The following WNT3 variants were observed in gnomAD, a reference collection of about 807,000 sequenced individuals.
The protein encoded by WNT3 is proto-oncogene Wnt-3.
A neutral mutation model predicts 34.2 loss-of-function variants in WNT3; 7 were observed. That is an observed-to-expected ratio of 0.20 (90% CI 0.12 to 0.38). WNT3 has a LOEUF of 0.38. WNT3 is among the 10% of genes least tolerant of loss of function. The pLI is 1.00. For missense variants in WNT3, 267 were observed against 499.8 expected (o/e 0.53, Z 4.44); for synonymous variants, 212 against 211.5 (o/e 1.00, Z -0.02).
rs2059281006 is a variant in WNT3, at chr17:46,762,909, T to C, written c.*1721A>G. Reference sequence around the variant, plus strand: ...GAAAAGATTGTTTTGAAAATTCGTATCCATTCTGCTGAAGTATTCTCACAT... The same window carrying C: ...GAAAAGATTGTTTTGAAAATTCGTACCCATTCTGCTGAAGTATTCTCACAT... On this transcript the variant is annotated 3_prime_UTR_variant, in exon 5 of 5. Transcript: ENST00000225512. 1 of 152,230 alleles carries C rather than the reference T, an allele frequency of 6.6e-6. No homozygotes were observed. The highest frequency in any genetic ancestry group is 1.5e-5 in the Non-Finnish European group (1 of 68,048). 9.4% of individuals were successfully genotyped at this position (152,230 alleles called of 1,614,324 possible).
intron 1 of WNT3, among the ~76,000 whole-genome samples, chr17:46,801,767 C>T (rs762897316): frequency 4.9e-4 from 74 of 152,162 alleles, no homozygotes; most frequent in Admixed American, 1.2e-3. Context: ...TAAGTGACCA[C>T]AGCTGTGAGG....
Position 46,784,978 on chromosome 17 carries a change from T to C in WNT3, c.81-11069A>G, listed in dbSNP as rs555178641. ...TTTTTTAGTAGAGACGGGGTTTCACTGTGTTAGCCAGGATGGTCTCGATCT... is the reference window on the plus strand; with the variant it reads ...TTTTTTAGTAGAGACGGGGTTTCACCGTGTTAGCCAGGATGGTCTCGATCT... On this transcript the variant is annotated intron_variant, in intron 1 of 4. Transcript: ENST00000225512. Among the ~76,000 whole-genome samples the C allele has an allele frequency of 5.1e-3, 780 of 152,134 alleles. 5 individuals carry two copies. The highest frequency in any genetic ancestry group is 0.02 in the Middle Eastern group (6 of 294).
intron 3 of WNT3, 146 bp downstream of exon 3, chr17:46,769,637 T>G (rs201881227): frequency 4.9e-6 from 5 of 1,011,442 alleles, no homozygotes; most frequent in African/African-American, 1.6e-5. Context: ...GGCTGTGGGG[T>G]GGGGAGGAGG....
chr17:46,764,534 G>A lies in WNT3; in HGVS notation c.*96C>T, dbSNP rs986119970. 1 of 152,278 alleles carries A rather than the reference G, an allele frequency of 6.6e-6. No individual in the cohort carries two copies. The highest frequency in any genetic ancestry group is 1.5e-5 in the Non-Finnish European group (1 of 68,082). 9.4% of individuals were successfully genotyped at this position (152,278 alleles called of 1,614,324 possible). ...TGGTGACAGTTCCTTGCTGTCTGAC[G>A]CTGAGGGCTGTGCCCGGCTCTAGGT... On this transcript the variant is annotated 3_prime_UTR_variant, in exon 5 of 5. Coordinates refer to ENST00000225512, the MANE Select transcript of WNT3 (RefSeq NM_030753.5).
intron 1 of WNT3, among the ~76,000 whole-genome samples, chr17:46,796,660 G>C (rs375464443): frequency 6.6e-6 from 1 of 152,338 alleles, no homozygotes; most frequent in African/African-American, 2.4e-5. Flanking sequence ...TGCAACTACA[G>C]GGGACCTAAG....
intron 1 of WNT3, among the ~76,000 whole-genome samples, chr17:46,816,131 T>A (rs12938670): frequency 4.2e-3 from 79 of 18,964 alleles, no homozygotes; most frequent in East Asian, 6.0e-3. Flanking sequence ...ACACACACAC[T>A]CACACACACG....
intron 1 of WNT3, among the ~76,000 whole-genome samples, chr17:46,797,940 T>A (rs1253795015): frequency 6.6e-6 from 1 of 152,186 alleles, no homozygotes. Flanking sequence ...TTTTTGTTTG[T>A]TGGTTTTTTG....
At chr17:46,816,782 A>G (rs146562351) in intron 1 of WNT3, among the ~76,000 whole-genome samples, 338 of 152,254 alleles carry the variant, frequency 2.2e-3, no homozygotes, top group African/African-American at 7.8e-3. Context: ...ATGGGCCGCC[A>G]AACCTTTCCT....
At chr17:46,811,160 C>G (rs992184580) in intron 1 of WNT3, among the ~76,000 whole-genome samples, 1 of 100,998 alleles carries the variant, frequency 9.9e-6, no homozygotes, top group African/African-American at 3.0e-5. Flanking sequence ...CAACTCTACC[C>G]CTGCCCGCCC....
At chr17:46,786,588 G>A (rs1275677300) in intron 1 of WNT3, among the ~76,000 whole-genome samples, 1 of 152,250 alleles carries the variant, frequency 6.6e-6, no homozygotes, top group African/African-American at 2.4e-5. Context: ...TGAGAGCTGG[G>A]TCCGTTTCTC....
At chr17:46,792,031 T>A (rs1180058438) in intron 1 of WNT3, among the ~76,000 whole-genome samples, 2 of 152,164 alleles carry the variant, frequency 1.3e-5, no homozygotes, top group African/African-American at 2.4e-5. Flanking sequence ...CAGAGTGAGA[T>A]CCTGTCTCTT....
intron 1 of WNT3, 53 bp downstream of exon 1, chr17:46,818,465 C>T (rs191214630): frequency 1.3e-6 from 2 of 1,555,396 alleles, no homozygotes; most frequent in Middle Eastern, 2.2e-4. Flanking sequence ...CCCCCACCTT[C>T]CCCGGACGCG....
chr17:46,769,681 C>T (rs1475505672), intron 3 of WNT3, 102 bp downstream of exon 3: 1 of 1,509,398 alleles, frequency 6.6e-7, no homozygotes, highest in African/African-American at 1.4e-5. Context: ...GAGCCCGCGA[C>T]CCACAGGGCT....
At chr17:46,815,405 T>C (rs1452987320) in intron 1 of WNT3, among the ~76,000 whole-genome samples, 4 of 152,174 alleles carry the variant, frequency 2.6e-5, no homozygotes, top group Non-Finnish European at 4.4e-5. Flanking sequence ...GGTGTCATGC[T>C]TGAGGGTCCG....
intron 1 of WNT3, among the ~76,000 whole-genome samples, chr17:46,812,411 C>A (rs2084288786): frequency 6.6e-6 from 1 of 152,076 alleles, no homozygotes. Context: ...CTATAAATCA[C>A]CTTCTGAATC....
chr17:46,776,694 G>A (rs374151985), intron 1 of WNT3, among the ~76,000 whole-genome samples: 11 of 152,122 alleles, frequency 7.2e-5, no homozygotes, highest in African/African-American at 2.4e-4. Flanking sequence ...GGAGAGTTCA[G>A]TGCAGACAAC....
At chr17:46,778,461 A>G (rs191195832) in intron 1 of WNT3, among the ~76,000 whole-genome samples, 1 of 152,286 alleles carries the variant, frequency 6.6e-6, no homozygotes, top group African/African-American at 2.4e-5. Context: ...GTCGGAGACT[A>G]AAGAGGCTGT....
At chr17:46,794,752 C>CTTTTTT (rs5820620) in intron 1 of WNT3, among the ~76,000 whole-genome samples, 4 of 129,284 alleles carry the variant, frequency 3.1e-5, no homozygotes, top group Non-Finnish European at 3.2e-5. Context: ...CTTTCTTTTT[C>CTTTTTT]TTTTTTTTTT....
intron 4 of WNT3, among the ~76,000 whole-genome samples, chr17:46,766,229 C>T (rs1478672340): frequency 6.6e-6 from 1 of 151,986 alleles, no homozygotes; most frequent in Non-Finnish European, 1.5e-5. Flanking sequence ...GCCAGCATGG[C>T]GAAACCCGTC....
Sources: gnomAD v4.1 joint callset for allele counts (sites outside exome capture counted in the v4.1 genomes callset) on GRCh38, gnomAD v4.1.1 for gene constraint, MANE v1.5 for transcripts, NCBI Gene and HGNC (gene_info 2026-07-23, HGNC 2026-07-21) for gene names.